RIMS2: variants seen among roughly 807,000 people sequenced by gnomAD.
RIMS2 encodes regulating synaptic membrane exocytosis protein 2.
Under a neutral mutation model 174.4 loss-of-function variants are expected in RIMS2, and 59 were observed. That is an observed-to-expected ratio of 0.34 (90% CI 0.27 to 0.42). The LOEUF is 0.42. Among genes scored for constraint, RIMS2 ranks in the 10% least tolerant of loss-of-function variants. The pLI is 1.00. For missense variants in RIMS2, 1,620 were observed against 1,666.3 expected (o/e 0.97, Z 0.48); for synonymous variants, 606 against 572.5 (o/e 1.06, Z -0.84).
chr8:103,976,713 A>C (rs1182052251), intron 16 of RIMS2: 2 of 151,920 alleles, frequency 1.3e-5, no homozygotes, highest in Non-Finnish European at 1.5e-5. Flanking sequence ...ATGCCTGGCT[A>C]ATTTTTTGTA....
chr8:103,665,001 T>C (rs1328713775), intron 1 of RIMS2, among the ~76,000 whole-genome samples: 2 of 152,150 alleles, frequency 1.3e-5, no homozygotes, highest in Non-Finnish European at 2.9e-5. Flanking sequence ...CTGGAAACCA[T>C]CATTCTAAGC....
At chr8:103,529,362 A>T (rs1835814204) in intron 1 of RIMS2, among the ~76,000 whole-genome samples, 1 of 152,158 alleles carries the variant, frequency 6.6e-6, no homozygotes, top group Non-Finnish European at 1.5e-5. Context: ...GCCACCTTGC[A>T]GTTTGATCTC....
Position 103,734,232 on chromosome 8 carries a change from C to T in RIMS2, c.388-31995C>T, listed in dbSNP as rs185541408. ...TTCACCATGTTGGCCAGGATGGTCT[C>T]AATCTCTTGACCTTGTGATCTACCC... On this transcript the variant is annotated intron_variant, in intron 2 of 23. Coordinates refer to ENST00000504942, the Ensembl canonical transcript of RIMS2. Among the ~76,000 whole-genome samples, 384 of 149,988 alleles carry T rather than the reference C, an allele frequency of 2.6e-3. 2 individuals are homozygous for T. Among genetic ancestry groups the T allele is most frequent in the African/African-American group, 8.8e-3 (360 of 40,946 alleles).
chr8:103,659,888 A>G (rs1052356622), intron 1 of RIMS2, among the ~76,000 whole-genome samples: 10 of 152,242 alleles, frequency 6.6e-5, no homozygotes, highest in African/African-American at 2.4e-4. Flanking sequence ...CTTCGAGTGC[A>G]CACGGTGTCT....
chr8:104,056,022 T>A (rs1227193048), intron 19 of RIMS2, among the ~76,000 whole-genome samples: 1 of 152,158 alleles, frequency 6.6e-6, no homozygotes, highest in African/African-American at 2.4e-5. Context: ...GGACAAATGT[T>A]AAAAATTTCT....
At chr8:104,076,631 G>A (rs1204654423) in intron 19 of RIMS2, among the ~76,000 whole-genome samples, 3 of 152,014 alleles carry the variant, frequency 2.0e-5, no homozygotes, top group Admixed American at 1.3e-4. Flanking sequence ...TTAGTGATTA[G>A]GGTTAAATAA....
At chr8:103,665,703 T>C (rs1030754486) in intron 1 of RIMS2, among the ~76,000 whole-genome samples, 1 of 152,290 alleles carries the variant, frequency 6.6e-6, no homozygotes, top group East Asian at 1.9e-4. Context: ...TTCCTCCCTG[T>C]TTTCCCCCCA....
At chr8:103,620,431 A>G (rs2095608355) in intron 1 of RIMS2, among the ~76,000 whole-genome samples, 1 of 152,096 alleles carries the variant, frequency 6.6e-6, no homozygotes. Flanking sequence ...TTTAAAAGCT[A>G]TAATTTAAAA....
At chr8:103,598,619 G>A (rs984157192) in intron 1 of RIMS2, among the ~76,000 whole-genome samples, 1 of 152,146 alleles carries the variant, frequency 6.6e-6, no homozygotes, top group Non-Finnish European at 1.5e-5. Context: ...TCTATACTCT[G>A]TCCTGGCGAA....
At chr8:103,964,205 A>C (rs542050030) in intron 15 of RIMS2, among the ~76,000 whole-genome samples, 1 of 152,210 alleles carries the variant, frequency 6.6e-6, no homozygotes, top group Non-Finnish European at 1.5e-5. Context: ...CAATTGCTGG[A>C]TCGTATGCTA....
intron 19 of RIMS2, among the ~76,000 whole-genome samples, chr8:104,036,202 G>A (rs1161156176): frequency 2.0e-5 from 3 of 151,604 alleles, no homozygotes; most frequent in Non-Finnish European, 4.4e-5. Flanking sequence ...CCAGGCTGGA[G>A]TGCGGTGGTG....
At chr8:104,031,241 T>G (rs1301696981) in intron 19 of RIMS2, among the ~76,000 whole-genome samples, 1 of 152,140 alleles carries the variant, frequency 6.6e-6, no homozygotes, top group Non-Finnish European at 1.5e-5. Context: ...TTTATGAATT[T>G]TCTCTTGATG....
chr8:103,645,167 G>C (rs1327127569), intron 1 of RIMS2, among the ~76,000 whole-genome samples: 1 of 151,918 alleles, frequency 6.6e-6, no homozygotes, highest in Admixed American at 6.6e-5. Flanking sequence ...AGAATTCAGT[G>C]TCACTATAGT....
intron 19 of RIMS2, among the ~76,000 whole-genome samples, chr8:104,086,483 C>T (rs1466306385): frequency 6.6e-6 from 1 of 151,936 alleles, no homozygotes. Context: ...AAGATTGTTT[C>T]TCAAGGAGAA....
intron 1 of RIMS2, among the ~76,000 whole-genome samples, chr8:103,531,454 G>T (rs1837100317): frequency 6.6e-6 from 1 of 152,144 alleles, no homozygotes; most frequent in African/African-American, 2.4e-5. Context: ...TTTTACTTGG[G>T]AGTTTCTGGG....
chr8:103,785,877 T>G (rs948520125), intron 3 of RIMS2, among the ~76,000 whole-genome samples: 31 of 152,196 alleles, frequency 2.0e-4, no homozygotes, highest in Non-Finnish European at 4.6e-4. Flanking sequence ...CTGGTAGAAT[T>G]CGGCTGTGAA....
At chr8:103,523,108 ATGTGTGTGTGCATGTG>A (rs1034131178) in intron 1 of RIMS2, among the ~76,000 whole-genome samples, 13 of 150,834 alleles carry the variant, frequency 8.6e-5, no homozygotes, top group Middle Eastern at 3.2e-3. Context: ...GTGTGTGTGC[ATGTGTGTGTGCATGTG>A]TGTGTGTGTG....
intron 19 of RIMS2, among the ~76,000 whole-genome samples, chr8:104,187,554 A>G (rs980595453): frequency 4.6e-5 from 7 of 151,774 alleles, no homozygotes; most frequent in Non-Finnish European, 1.0e-4. Context: ...ATTTTTGTTT[A>G]GATCTGTTCC....
intron 15 of RIMS2, among the ~76,000 whole-genome samples, chr8:103,969,178 G>A (rs1400665470): frequency 6.6e-6 from 1 of 151,564 alleles, no homozygotes; most frequent in Non-Finnish European, 1.5e-5. Context: ...TTTTGCATTT[G>A]TCCTACTTGG....
Sources: allele counts gnomAD v4.1 joint callset (sites outside exome capture counted in the v4.1 genomes callset), GRCh38; gene constraint gnomAD v4.1.1; transcripts MANE v1.5; gene names NCBI Gene and HGNC (gene_info 2026-07-23, HGNC 2026-07-21).